PARD3B: variants seen among roughly 807,000 people sequenced by gnomAD.
PARD3B encodes par-3 family cell polarity regulator beta, also known as partitioning defective 3 homolog B.
In PARD3B, 103 loss-of-function variants were observed where a neutral mutation model predicts 130.2. That is an observed-to-expected ratio of 0.79 (90% CI 0.67 to 0.93). The LOEUF is 0.93. PARD3B is among the 40% of genes least tolerant of loss of function. The probability of loss-of-function intolerance (pLI) is 0.00; values close to 1 mark genes in which losing one functional copy is unlikely to be tolerated. For missense variants in PARD3B, 1,609 were observed against 1,499.2 expected (o/e 1.07, Z -1.21); for synonymous variants, 583 against 553.2 (o/e 1.05, Z -0.76).
At chr2:204,788,386 G>A (rs1183422092) in intron 2 of PARD3B, among the ~76,000 whole-genome samples, 2 of 152,178 alleles carry the variant, frequency 1.3e-5, no homozygotes, top group African/African-American at 2.4e-5. Flanking sequence ...ACCTCACATT[G>A]TACAAAAATG....
chr2:205,245,847 A>G (rs770961101), intron 16 of PARD3B, 25 bp downstream of exon 16: 3 of 1,552,222 alleles, frequency 1.9e-6, no homozygotes, highest in Admixed American at 1.7e-5. Flanking sequence ...GTAACTGACT[A>G]TATTCCTCTT....
intron 2 of PARD3B, among the ~76,000 whole-genome samples, chr2:204,714,786 A>G (rs1285627763): frequency 6.6e-6 from 1 of 152,202 alleles, no homozygotes; most frequent in Non-Finnish European, 1.5e-5. Context: ...GAATGAACCC[A>G]TGGCAAGTCA....
chr2:204,788,089 G>A (rs1249008553), intron 2 of PARD3B, among the ~76,000 whole-genome samples: 2 of 152,158 alleles, frequency 1.3e-5, no homozygotes, highest in African/African-American at 4.8e-5. Flanking sequence ...TTTTGTAATG[G>A]TTATGCTCAT....
At chr2:204,930,817 A>C (rs1465548089) in intron 2 of PARD3B, among the ~76,000 whole-genome samples, 2 of 152,058 alleles carry the variant, frequency 1.3e-5, no homozygotes, top group Non-Finnish European at 2.9e-5. Flanking sequence ...GGCTGCCTGC[A>C]GTTGTCTTTA....
chr2:204,868,767 G>T (rs2045521294), intron 2 of PARD3B, among the ~76,000 whole-genome samples: 1 of 152,156 alleles, frequency 6.6e-6, no homozygotes, highest in South Asian at 2.1e-4. Context: ...TTCTTAATCT[G>T]TTGAGCTGGG....
chr2:205,383,129 T>TAGATAGATAGATAGAG (rs2045535290), intron 18 of PARD3B, among the ~76,000 whole-genome samples: 3 of 137,970 alleles, frequency 2.2e-5, no homozygotes, highest in Admixed American at 8.4e-5. Context: ...GATAGATAGA[T>TAGATAGATAGATAGAG]AGATAGATAG....
chr2:205,254,088 T>TA (rs11287171), intron 16 of PARD3B, among the ~76,000 whole-genome samples: 11,519 of 75,848 alleles, frequency 0.15, 829 homozygotes, highest in African/African-American at 0.24. Flanking sequence ...GTAGAGAAAT[T>TA]AAAAAAAAAA....
In PARD3B at chr2:205,321,133, G is replaced by A. The variant is rs184625770; in HGVS notation, c.2630+19432G>A. ...TAACTGTAGCTAAAACATTAATATA[G>A]TTTAGAGATGATAGTTTTTGTAATA... On this transcript the variant is annotated intron_variant, in intron 18 of 22. Transcript: ENST00000406610. The surrounding 1 kb of genome is among the most constrained non-coding windows in gnomAD (Gnocchi z 4.2). 6.6e-6 allele frequency among the ~76,000 whole-genome samples: 1 copy of A among 152,158 alleles called. No individual in the cohort carries two copies. Among genetic ancestry groups the A allele is most frequent in the East Asian group, 1.9e-4 (1 of 5,196 alleles).
chr2:204,820,920 A>G (rs1342146829), intron 2 of PARD3B, among the ~76,000 whole-genome samples: 1 of 152,198 alleles, frequency 6.6e-6, no homozygotes, highest in Non-Finnish European at 1.5e-5. Flanking sequence ...TGTGTTCTGT[A>G]AATAAAATAG....
At chr2:205,103,077 T>A (rs982162239) in intron 4 of PARD3B, among the ~76,000 whole-genome samples, 1 of 127,098 alleles carries the variant, frequency 7.9e-6, no homozygotes, top group African/African-American at 2.6e-5. Flanking sequence ...AAAATAAAAA[T>A]ATATATTTTT....
chr2:205,126,855 G>A (rs2031487448), intron 10 of PARD3B, among the ~76,000 whole-genome samples: 1 of 148,518 alleles, frequency 6.7e-6, no homozygotes, highest in African/African-American at 2.5e-5. Flanking sequence ...AAAATTATTT[G>A]TGCAGTATCA....
intron 2 of PARD3B, among the ~76,000 whole-genome samples, chr2:204,737,962 T>C (rs1194268984): frequency 1.3e-5 from 2 of 152,156 alleles, no homozygotes; most frequent in African/African-American, 4.8e-5. Context: ...GCTGTTTTGG[T>C]AACTGTAGTC....
intron 2 of PARD3B, among the ~76,000 whole-genome samples, chr2:204,742,402 T>G (rs750229880): frequency 3.3e-5 from 5 of 152,118 alleles, no homozygotes; most frequent in Admixed American, 3.3e-4. Context: ...GGTGGGACTC[T>G]GTGGAGCTGG....
intron 15 of PARD3B, among the ~76,000 whole-genome samples, chr2:205,211,578 C>T (rs141076393): frequency 6.6e-6 from 1 of 152,182 alleles, no homozygotes; most frequent in East Asian, 1.9e-4. Context: ...TCCAGTAGGA[C>T]AAACATAACA....
chr2:205,213,913 C>A (rs757722849), intron 15 of PARD3B, among the ~76,000 whole-genome samples: 14 of 152,058 alleles, frequency 9.2e-5, no homozygotes, highest in Non-Finnish European at 1.3e-4. Flanking sequence ...TTGGAGGAAT[C>A]TATGAATAAA....
chr2:204,565,198 T>C (rs2031595963), intron 1 of PARD3B, among the ~76,000 whole-genome samples: 1 of 152,228 alleles, frequency 6.6e-6, no homozygotes, highest in South Asian at 2.1e-4. Flanking sequence ...TTTCTTGTCA[T>C]GTGGGCTTTC....
chr2:204,625,079 G>T (rs888901208), intron 1 of PARD3B, among the ~76,000 whole-genome samples: 2 of 151,908 alleles, frequency 1.3e-5, no homozygotes, highest in African/African-American at 2.4e-5. Flanking sequence ...GTTTTCTACG[G>T]TTGCATTTTG....
chr2:205,289,803 A>G (rs1395073872), intron 16 of PARD3B, among the ~76,000 whole-genome samples: 1 of 152,138 alleles, frequency 6.6e-6, no homozygotes, highest in Non-Finnish European at 1.5e-5. Context: ...TATAAAAGCT[A>G]GTTTGGCCAT....
rs570654067 is a variant in PARD3B at position 204,868,798 on chromosome 2, T to C, written c.223-96354T>C. On this transcript the variant is annotated intron_variant, in intron 2 of 22. Coordinates refer to ENST00000406610, the MANE Select transcript of PARD3B (RefSeq NM_001302769.2). ...CTGGGGAGGATTGCATGAGGCAGGA[T>C]TGAGTGGGACTAGTTAAGTTGAGAC... Among the ~76,000 whole-genome samples, 64 of 152,286 alleles carry C rather than the reference T, an allele frequency of 4.2e-4. 1 individual carries two copies. The highest frequency in any genetic ancestry group is 1.4e-3 in the African/African-American group (59 of 41,580).
Sources: allele counts gnomAD v4.1 joint callset (sites outside exome capture counted in the v4.1 genomes callset), GRCh38; gene constraint gnomAD v4.1.1; non-coding constraint Gnocchi (gnomAD v3.1); transcripts MANE v1.5; gene names NCBI Gene and HGNC (gene_info 2026-07-23, HGNC 2026-07-21).